Variants in CACNA1E observed in about 807,000 individuals in gnomAD.
CACNA1E encodes the protein voltage-dependent R-type calcium channel subunit alpha-1E.
In CACNA1E, 40 loss-of-function variants were observed where a neutral mutation model predicts 259.2. That is an observed-to-expected ratio of 0.15 (90% CI 0.12 to 0.20). CACNA1E has a LOEUF of 0.20. Among genes scored for constraint, CACNA1E ranks in the 10% least tolerant of loss-of-function variants. CACNA1E has a pLI of 1.00. For synonymous variants in CACNA1E, 1,104 were observed against 1,138.5 expected, an observed-to-expected ratio of 0.97 and a Z score of 0.61; for missense variants, 1,874 against 3,040.1, an observed-to-expected ratio of 0.62 and a Z score of 9.02.
Position 181,776,798 on chromosome 1 carries a change from C to T in CACNA1E, c.5267+570C>T, listed in dbSNP as rs1225936300. ...GGTGAAGATAACTTCTTTACTGTCT[C>T]TTTTGCTGTTTAGTAGTTCTGAAGT... On this transcript the variant is annotated intron_variant, in intron 38 of 47. Transcript: ENST00000367573. This position sits in a 1 kb window ranked among gnomAD's most constrained non-coding sequence, Gnocchi z 4.4. Among the ~76,000 whole-genome samples, 4 of 152,202 alleles carry T rather than the reference C, an allele frequency of 2.6e-5. No homozygotes were observed. The highest frequency in any genetic ancestry group is 5.9e-5 in the Non-Finnish European group (4 of 68,036).
intron 43 of CACNA1E, 31 bp downstream of exon 43, chr1:181,785,850 C>CTGTT: frequency 7.0e-7 from 1 of 1,419,658 alleles, no homozygotes; most frequent in Middle Eastern, 1.8e-4. Context: ...CCTGGCATGG[C>CTGTT]TGTTTGCAAT....
intron 10 of CACNA1E, among the ~76,000 whole-genome samples, chr1:181,716,710 G>C (rs1653932985): frequency 6.6e-6 from 1 of 152,236 alleles, no homozygotes; most frequent in Admixed American, 6.5e-5. Flanking sequence ...GACTTACAAA[G>C]CTCATTGCTG....
chr1:181,679,533 G>A (rs1649720007), intron 7 of CACNA1E, among the ~76,000 whole-genome samples: 1 of 152,204 alleles, frequency 6.6e-6, no homozygotes, highest in African/African-American at 2.4e-5. Flanking sequence ...GTAAACACGT[G>A]AAAGAGGGAA....
chr1:181,659,835 G>T (rs1224165187), intron 7 of CACNA1E, among the ~76,000 whole-genome samples: 1 of 152,224 alleles, frequency 6.6e-6, no homozygotes, highest in African/African-American at 2.4e-5. Context: ...TACTGGCAGA[G>T]GTGGGGCCAG....
rs1662077914 is a variant in CACNA1E, at chr1:181,799,099, G to A, written c.*265G>A. On this transcript the variant is annotated 3_prime_UTR_variant, in exon 48 of 48. Transcript: ENST00000367573. ...ACCAGGAACGTGGAGGGTTATTACT[G>A]CGGGAGAAGGGACACGAGGATGGCT... The A allele has an allele frequency of 5.7e-6, 2 of 349,186 alleles. No individual in the cohort carries two copies. Among genetic ancestry groups the A allele is most frequent in the South Asian group, 1.9e-4 (2 of 10,504 alleles). 21.6% of individuals were successfully genotyped at this position (349,186 alleles called of 1,614,324 possible). A position where few individuals can be genotyped will look rare whatever the true frequency, so the allele number is the denominator to read the frequency against.
At chr1:181,784,870 G>A (rs1357108221) in intron 41 of CACNA1E, 102 bp downstream of exon 41, 3 of 706,390 alleles carry the variant, frequency 4.2e-6, no homozygotes, top group East Asian at 5.4e-5. Context: ...AGGAAAGTTT[G>A]CCCTTTTCAA....
At chr1:181,678,319 T>A (rs1443694052) in intron 7 of CACNA1E, among the ~76,000 whole-genome samples, 1 of 152,210 alleles carries the variant, frequency 6.6e-6, no homozygotes, top group Non-Finnish European at 1.5e-5. Context: ...GTTATTTTTT[T>A]AAAAGAGCTT....
At chr1:181,663,559 C>T (rs1647902440) in intron 7 of CACNA1E, among the ~76,000 whole-genome samples, 1 of 152,192 alleles carries the variant, frequency 6.6e-6, no homozygotes, top group African/African-American at 2.4e-5. Flanking sequence ...CGAGTAACAT[C>T]AGGACCCTCT....
intron 7 of CACNA1E, among the ~76,000 whole-genome samples, chr1:181,655,480 A>T (rs1309142923): frequency 6.6e-6 from 1 of 152,236 alleles, no homozygotes; most frequent in Non-Finnish European, 1.5e-5. Context: ...TTCATAAGGA[A>T]AATAATTTTC....
At chr1:181,483,105 G>C (rs1663436724), upstream of CACNA1E, among the ~76,000 whole-genome samples, 1 of 152,220 alleles carries the variant, frequency 6.6e-6, no homozygotes, top group Non-Finnish European at 1.5e-5. Context: ...ACCTTTGGAT[G>C]CGTCTCTGCT....
intron 7 of CACNA1E, among the ~76,000 whole-genome samples, chr1:181,663,919 G>A (rs1647937853): frequency 6.6e-6 from 1 of 152,054 alleles, no homozygotes. Flanking sequence ...TATCATATGT[G>A]GTGCATGTTT....
chr1:181,352,324 G>C (rs1370069789), intron 1 of CACNA1E, among the ~76,000 whole-genome samples: 1 of 152,174 alleles, frequency 6.6e-6, no homozygotes, highest in East Asian at 1.9e-4. Flanking sequence ...GTGGGGGTGA[G>C]AGTGGGTGGG....
At chr1:181,368,521 A>G (rs1654449502) in intron 1 of CACNA1E, among the ~76,000 whole-genome samples, 1 of 152,218 alleles carries the variant, frequency 6.6e-6, no homozygotes, top group Non-Finnish European at 1.5e-5. Context: ...TGTGTAACAA[A>G]TAATTCAGAC....
At chr1:181,320,872 T>A (rs1317669581) in intron 1 of CACNA1E, among the ~76,000 whole-genome samples, 1 of 152,200 alleles carries the variant, frequency 6.6e-6, no homozygotes, top group East Asian at 1.9e-4. Flanking sequence ...TGCTTTGCCA[T>A]AAAGGAATAC....
At position 181,635,059 on chromosome 1, in the gene CACNA1E, C is replaced by T. The variant is rs942615083; in HGVS notation, c.952-16279C>T. On this transcript the variant is annotated intron_variant, in intron 6 of 47. Transcript: ENST00000367573. ...CCAGCACCTCTACACTGGCTTTCAG[C>T]CAGATATGTCTTCACCGCTTGTTGA... Among the ~76,000 whole-genome samples, 6 of 152,376 alleles carry T rather than the reference C, an allele frequency of 3.9e-5. No individual in the cohort carries two copies. In the East Asian group the frequency reaches 1.2e-3, roughly 29 times the overall value.
intron 26 of CACNA1E, among the ~76,000 whole-genome samples, chr1:181,750,767 G>C (rs1657522801): frequency 6.6e-6 from 1 of 152,164 alleles, no homozygotes; most frequent in African/African-American, 2.4e-5. Flanking sequence ...AAAGTCTCTG[G>C]ATGCTAAAGA....
At chr1:181,737,997 C>T (rs947467197) in intron 23 of CACNA1E, among the ~76,000 whole-genome samples, 7 of 152,182 alleles carry the variant, frequency 4.6e-5, no homozygotes, top group Non-Finnish European at 8.8e-5. Flanking sequence ...TGGGGTCCCA[C>T]GGGTATGTGT....
At chr1:181,426,433 T>G (rs1659209081) in intron 2 of CACNA1E, among the ~76,000 whole-genome samples, 2 of 144,678 alleles carry the variant, frequency 1.4e-5, no homozygotes, top group Admixed American at 6.9e-5. Context: ...CCTTCACAAC[T>G]CAACCCCATT....
At position 181,726,059 on chromosome 1, in the gene CACNA1E, G is replaced by C; in HGVS notation, c.2143-6G>C. The C allele has an allele frequency of 6.2e-7, 1 of 1,607,620 alleles. No individual in the cohort carries two copies. On this transcript the variant is annotated splice_polypyrimidine_tract_variant and splice_region_variant and intron_variant, in intron 17 of 47. Transcript: ENST00000367573. The stretch of plus-strand genomic sequence containing the variant: ...CCAGGCAAAGCCATCTCTGCTTTGT[G>C]TCTAGGATGAACAGGAGGAAGAAGA...
Sources: gnomAD v4.1 joint callset for allele counts (sites outside exome capture counted in the v4.1 genomes callset) on GRCh38, gnomAD v4.1.1 for gene constraint, Gnocchi (gnomAD v3.1) non-coding constraint, MANE v1.5 for transcripts, NCBI Gene and HGNC (gene_info 2026-07-23, HGNC 2026-07-21) for gene names.